GRIK4: variants seen among roughly 807,000 people sequenced by gnomAD.
GRIK4 encodes glutamate ionotropic receptor kainate type subunit 4, also known as glutamate receptor ionotropic, kainate 4.
In GRIK4, 40 loss-of-function variants were observed where a neutral mutation model predicts 104.9. The ratio of observed to expected loss-of-function variants is 0.38; its 90% CI spans 0.30 to 0.50. The LOEUF is 0.50. Ranked by LOEUF, GRIK4 falls within the 20% of genes least tolerant of loss-of-function variation. GRIK4 has a pLI of 0.93. For missense variants in GRIK4, 1,047 were observed against 1,308.1 expected, an observed-to-expected ratio of 0.80 and a Z score of 3.08; for synonymous variants, 485 against 524.9, an observed-to-expected ratio of 0.92 and a Z score of 1.04.
intron 13 of GRIK4, among the ~76,000 whole-genome samples, chr11:120,926,846 TA>T (rs1435960468): frequency 6.6e-6 from 1 of 152,158 alleles, no homozygotes; most frequent in Non-Finnish European, 1.5e-5. Context: ...AACTGGTAAA[TA>T]AACAAGACAA....
intron 13 of GRIK4, among the ~76,000 whole-genome samples, chr11:120,923,285 T>G (rs1353690565): frequency 6.6e-6 from 1 of 152,080 alleles, no homozygotes; most frequent in Non-Finnish European, 1.5e-5. Flanking sequence ...AGGCTGGATC[T>G]CTGGGGCTCG....
intron 3 of GRIK4, among the ~76,000 whole-genome samples, chr11:120,796,250 T>C (rs1210245916): frequency 6.6e-6 from 1 of 152,130 alleles, no homozygotes; most frequent in Non-Finnish European, 1.5e-5. Flanking sequence ...TTAGCCAAGA[T>C]GGTCTCGCTC....
intron 8 of GRIK4, among the ~76,000 whole-genome samples, chr11:120,844,589 A>G (rs1953805636): frequency 6.6e-6 from 1 of 152,148 alleles, no homozygotes; most frequent in Admixed American, 6.5e-5. Flanking sequence ...ATCCCACAGG[A>G]ATTCAGTTCA....
At chr11:120,572,469 C>T (rs532789504) in intron 1 of GRIK4, among the ~76,000 whole-genome samples, 1 of 152,124 alleles carries the variant, frequency 6.6e-6, no homozygotes, top group Non-Finnish European at 1.5e-5. Context: ...ATGAGCATGT[C>T]GAGGCGGGGA....
rs200337489 is a variant in GRIK4 at position 120,648,694 on chromosome 11, GA to G, written c.-158-4990del. ...ATAGGTGTATTAGCCTCACTCTGCA[GA>G]GGGGGGATGCGGGCTAAGGGGGTTA... On this transcript the variant is annotated intron_variant, in intron 1 of 20. Transcript: ENST00000527524. 6.1e-3 allele frequency among the ~76,000 whole-genome samples: 926 copies of G among 152,330 alleles called. 16 individuals are homozygous for G. The highest frequency in any genetic ancestry group is 0.021 in the African/African-American group (890 of 41,562).
intron 7 of GRIK4, 32 bp downstream of exon 7, chr11:120,832,062 C>T: frequency 6.7e-7 from 1 of 1,489,632 alleles, no homozygotes; most frequent in Non-Finnish European, 9.2e-7. Flanking sequence ...CCACCCCCTG[C>T]TGAGCTCCAC....
At chr11:120,919,156 A>G (rs1592080097) in intron 13 of GRIK4, among the ~76,000 whole-genome samples, 2 of 152,164 alleles carry the variant, frequency 1.3e-5, no homozygotes, top group Admixed American at 1.3e-4. Flanking sequence ...ACAGGCGACA[A>G]GGAGGAGAGA....
At chr11:120,645,873 G>A (rs1949537289) in intron 1 of GRIK4, among the ~76,000 whole-genome samples, 3 of 152,188 alleles carry the variant, frequency 2.0e-5, no homozygotes, top group South Asian at 4.1e-4. Context: ...CTCAAGTTCC[G>A]GGCAATTACC....
chr11:120,647,199 A>G (rs1045986506), intron 1 of GRIK4, among the ~76,000 whole-genome samples: 1 of 152,158 alleles, frequency 6.6e-6, no homozygotes, highest in Non-Finnish European at 1.5e-5. Context: ...TACCCAACGC[A>G]TAGCTGCTTG....
At chr11:120,571,547 A>T (rs1354717413) in intron 1 of GRIK4, among the ~76,000 whole-genome samples, 5 of 152,140 alleles carry the variant, frequency 3.3e-5, no homozygotes, top group African/African-American at 1.2e-4. Context: ...ACTCAAACCC[A>T]GGTCTGCTGG....
At chr11:120,533,957 G>T (rs898798254) in intron 1 of GRIK4, among the ~76,000 whole-genome samples, 8 of 152,216 alleles carry the variant, frequency 5.3e-5, no homozygotes, top group Non-Finnish European at 8.8e-5. Flanking sequence ...AACAGAAATA[G>T]CTTGACCAGA....
chr11:120,616,248 C>T (rs185710496), intron 1 of GRIK4, among the ~76,000 whole-genome samples: 1 of 152,074 alleles, frequency 6.6e-6, no homozygotes, highest in Non-Finnish European at 1.5e-5. Flanking sequence ...TGGGCCAGCC[C>T]CAGGAGCAGA....
At chr11:120,583,482 G>A in intron 1 of GRIK4, among the ~76,000 whole-genome samples, 1 of 152,034 alleles carries the variant, frequency 6.6e-6, no homozygotes, top group East Asian at 1.9e-4. Context: ...TATAGTTTTA[G>A]GTTTTATATT....
chr11:120,757,867 C>G (rs1017308912), intron 3 of GRIK4, among the ~76,000 whole-genome samples: 1 of 152,182 alleles, frequency 6.6e-6, no homozygotes, highest in East Asian at 1.9e-4. Context: ...ATGAAGGGAA[C>G]CTGAAGCTTC....
At chr11:120,867,151 G>A (rs1467018123) in intron 9 of GRIK4, among the ~76,000 whole-genome samples, 5 of 151,908 alleles carry the variant, frequency 3.3e-5, no homozygotes, top group Admixed American at 2.6e-4. Flanking sequence ...AAGGTGTTGC[G>A]GACTCTCTCA....
intron 3 of GRIK4, among the ~76,000 whole-genome samples, chr11:120,774,057 A>G (rs1446807227): frequency 6.6e-6 from 1 of 152,248 alleles, no homozygotes; most frequent in Non-Finnish European, 1.5e-5. Flanking sequence ...AGAAGCTACA[A>G]ACATCAGGAT....
chr11:120,614,927 A>C (rs1349898731), intron 1 of GRIK4, among the ~76,000 whole-genome samples: 9 of 152,192 alleles, frequency 5.9e-5, no homozygotes, highest in African/African-American at 2.2e-4. Context: ...TGAACCCAGG[A>C]GGCGGAGCTT....
chr11:120,814,936 C>CGCCT (rs1198282251), intron 4 of GRIK4, among the ~76,000 whole-genome samples: 4 of 152,230 alleles, frequency 2.6e-5, no homozygotes, highest in Admixed American at 6.5e-5. Context: ...TTCATACCCC[C>CGCCT]GCCTGCCTGC....
intron 3 of GRIK4, among the ~76,000 whole-genome samples, chr11:120,705,090 T>C (rs889401636): frequency 6.6e-6 from 1 of 152,252 alleles, no homozygotes; most frequent in Admixed American, 6.5e-5. Flanking sequence ...TTTTGATTAC[T>C]GTAGCTTTGT....
Sources: allele counts gnomAD v4.1 joint callset (sites outside exome capture counted in the v4.1 genomes callset), GRCh38; gene constraint gnomAD v4.1.1; transcripts MANE v1.5; gene names NCBI Gene and HGNC (gene_info 2026-07-23, HGNC 2026-07-21).